Variants in DPH1 observed in about 807,000 individuals in gnomAD.
DPH1 encodes diphthamide biosynthesis 1.
DPH1 carries 59 observed loss-of-function variants against 55.3 expected under a neutral mutation model. That is an observed-to-expected ratio of 1.07 (90% CI 0.87 to 1.33). The LOEUF (loss-of-function observed/expected upper bound fraction) is 1.33. Ranked by LOEUF, DPH1 falls within the 40% of genes most tolerant of loss-of-function variation. The pLI is 0.00. For missense variants in DPH1, 628 were observed against 584.8 expected (o/e 1.07, Z -0.76); for synonymous variants, 238 against 235.5 (o/e 1.01, Z -0.10).
intron 8 of DPH1, 45 bp from the exon 9 acceptor site, chr17:2,040,460 G>A (rs748488781): frequency 1.4e-5 from 23 of 1,613,814 alleles, no homozygotes; most frequent in Non-Finnish European, 1.9e-5. Flanking sequence ...TTCAGCTTTG[G>A]CTGCTTGACC....
At chr17:2,033,178 G>T (rs113170570) in intron 1 of DPH1, among the ~76,000 whole-genome samples, 14 of 152,092 alleles carry the variant, frequency 9.2e-5, no homozygotes, top group Middle Eastern at 3.4e-3. Context: ...TTCACCTGGT[G>T]GGGGGGTGGG....
At position 2,036,325 on chromosome 17, in the gene DPH1, G is replaced by A. The variant is rs1451971416; in HGVS notation, c.401-204G>A. The A allele has an allele frequency of 7.1e-5, 75 of 1,051,196 alleles. No homozygotes were observed. The highest frequency in any genetic ancestry group is 9.9e-5 in the Non-Finnish European group (74 of 747,112). 65.1% of individuals were successfully genotyped at this position (1,051,196 alleles called of 1,614,324 possible). On this transcript the variant is annotated intron_variant, in intron 4 of 12. Transcript: ENST00000263083. This position sits in a 1 kb window ranked among gnomAD's most constrained non-coding sequence, Gnocchi z 4.8. ...GGTGTTTGAAAGGCTGTTGGTTGTA[G>A]AGCAGGCTGGGCCCCGGCCGGGTGA...
chr17:2,043,267 C>A lies in DPH1; in HGVS notation c.*681C>A. 1 of 836,598 alleles carries A rather than the reference C, an allele frequency of 1.2e-6. No individual in the cohort carries two copies. The highest frequency in any genetic ancestry group is 1.8e-6 in the Non-Finnish European group (1 of 548,874). 51.8% of individuals were successfully genotyped at this position (836,598 alleles called of 1,614,324 possible). A position where few individuals can be genotyped will look rare whatever the true frequency, so the allele number is the denominator to read the frequency against. Reference sequence around the variant, plus strand: ...GAGACCCAAATTATAAGGGCCCTGCCCTGTACTGAAGAAAAGGGGAGCACA... The same window carrying A: ...GAGACCCAAATTATAAGGGCCCTGCACTGTACTGAAGAAAAGGGGAGCACA... On this transcript the variant is annotated 3_prime_UTR_variant, in exon 13 of 13. Transcript: ENST00000263083.
At position 2,036,980 on chromosome 17, in the gene DPH1, T is replaced by G; in HGVS notation, c.680+24T>G. On this transcript the variant is annotated intron_variant, in intron 6 of 12. Transcript: ENST00000263083. This position sits in a 1 kb window ranked among gnomAD's most constrained non-coding sequence, Gnocchi z 4.8. ...GTGTAAGTTAAAAATGGGGGCCAAG[T>G]AAGTCCTAGAGACATGCGTGTACCC... 1.2e-6 allele frequency: 2 copies of G among 1,608,708 alleles called. No homozygotes were observed. Among genetic ancestry groups the G allele is most frequent in the Non-Finnish European group, 1.7e-6 (2 of 1,178,016 alleles).
intron 1 of DPH1, among the ~76,000 whole-genome samples, chr17:2,032,001 G>A (rs928978062): frequency 6.6e-6 from 1 of 152,200 alleles, no homozygotes; most frequent in Non-Finnish European, 1.5e-5. Context: ...TAAGAGTAAG[G>A]AGGAGCAATG....
At chr17:2,030,141 CT>C, upstream of DPH1, 1 of 1,594,222 alleles carries the variant, frequency 6.3e-7, no homozygotes, top group Non-Finnish European at 8.5e-7. Context: ...CCAGCGCTGT[CT>C]TTTTAGTACC....
At chr17:2,031,123 T>C (rs138044633) in intron 1 of DPH1, among the ~76,000 whole-genome samples, 5 of 152,330 alleles carry the variant, frequency 3.3e-5, no homozygotes, top group Non-Finnish European at 7.4e-5. Context: ...GGGGTTGAAC[T>C]AAGCTTAATT....
Position 2,043,156 on chromosome 17 carries a change from C to G in DPH1, c.*570C>G. 1 of 1,574,446 alleles carries G rather than the reference C, an allele frequency of 6.4e-7. No homozygotes were observed. The highest frequency in any genetic ancestry group is 8.6e-7 in the Non-Finnish European group (1 of 1,159,382). On this transcript the variant is annotated 3_prime_UTR_variant, in exon 13 of 13. Coordinates refer to ENST00000263083, the MANE Select transcript of DPH1 (RefSeq NM_001383.6). ...CATCCAGCTCCTCTAGGGGCAGCCT[C>G]CGTCATCCATGCCCTCCCAGGACCC...
chr17:2,034,581 T>C, intron 3 of DPH1, among the ~76,000 whole-genome samples: 1 of 60,706 alleles, frequency 1.6e-5, no homozygotes, highest in African/African-American at 7.1e-5. Context: ...CCTCCCCTGC[T>C]CCCCCAAACC....
chr17:2,042,127 G>GGGCGCTGAGGAA (rs1380002394), intron 12 of DPH1: 1 of 1,558,472 alleles, frequency 6.4e-7, no homozygotes, highest in Admixed American at 1.8e-5. Context: ...GAGAAGACCG[G>GGGCGCTGAGGAA]GGCGCTGAGG....
chr17:2,032,272 C>T (rs2067341590), intron 1 of DPH1, among the ~76,000 whole-genome samples: 1 of 152,108 alleles, frequency 6.6e-6, no homozygotes, highest in South Asian at 2.1e-4. Flanking sequence ...CTTAGGTTTT[C>T]CGCAGGGCTG....
chr17:2,036,925 C>A lies in DPH1; in HGVS notation c.649C>A (p.Pro217Thr). ...SPGEILGCTS[P>T]RLSKEVEAVV... is the part of the protein sequence containing the mutation. ...TGGAGAGATCCTGGGCTGCACATCC[C>A]CCCGACTGTCCAAAGAGGTGGAGGC... Residue 217 changes from proline (P) to threonine (T), a missense_variant, in exon 6 of 13, where the codon CCC (proline) becomes ACC (threonine). Pro to Thr is a conservative substitution (Grantham distance 38). Transcript: ENST00000263083. This position sits in a 1 kb window ranked among gnomAD's most constrained non-coding sequence, Gnocchi z 4.8. 3 of 1,613,826 alleles carry A rather than the reference C, an allele frequency of 1.9e-6. No homozygotes were observed. The highest frequency in any genetic ancestry group is 2.5e-6 in the Non-Finnish European group (3 of 1,179,980).
Position 2,036,545 on chromosome 17 carries a change from G to C in DPH1, c.417G>C (p.Ser139=), listed in dbSNP as rs747219178. ...GHSCLIPMDT[S]AQDFRVLYVF... ...CTCCCACAGTTCCCATGGACACCTC[G>C]GCCCAAGACTTCCGGGTGCTGTACG... Residue 139 remains serine (S), a synonymous_variant, in exon 5 of 13, where the codon TCG becomes TCC. Transcript: ENST00000263083. The surrounding 1 kb of genome is among the most constrained non-coding windows in gnomAD (Gnocchi z 4.8). 6.2e-7 allele frequency: 1 copy of C among 1,614,012 alleles called. No homozygotes were observed. The highest frequency in any genetic ancestry group is 1.7e-5 in the Admixed American group (1 of 59,998).
chr17:2,040,297 G>C lies in DPH1; in HGVS notation c.829G>C (p.Ala277Pro). 6.2e-7 allele frequency: 1 copy of C among 1,614,088 alleles called. No homozygotes were observed. Among genetic ancestry groups the C allele is most frequent in the Non-Finnish European group, 8.5e-7 (1 of 1,180,042 alleles). The change falls in exon 8 of 13, where the codon GCC (alanine) becomes CCC (proline). Residue 277 changes from alanine to proline, a missense_variant. Ala to Pro is a conservative substitution (Grantham distance 27, BLOSUM62 -1). Transcript: ENST00000263083. ...RMQAARQEAI[A>P]TARSAKSWGL... is the part of the protein sequence containing the mutation. ...GCAGGCTGCTCGCCAAGAAGCCATA[G>C]CCACTGCCCGCTCAGCTAAGTCCTG...
rs764581097 is a variant in DPH1 at position 2,042,934 on chromosome 17, C to A, written c.*348C>A. ...GCAAAGGCCCTTGTCATTGCCTTCG[C>A]TCCATGTTTTTGGGGACACTGACAA... On this transcript the variant is annotated 3_prime_UTR_variant, in exon 13 of 13. Coordinates refer to ENST00000263083, the MANE Select transcript of DPH1 (RefSeq NM_001383.6). 3.1e-6 allele frequency: 5 copies of A among 1,614,168 alleles called. No homozygotes were observed. The highest frequency in any genetic ancestry group is 4.2e-6 in the Non-Finnish European group (5 of 1,180,038).
Position 2,043,437 on chromosome 17 carries a change from T to G in DPH1, c.*851T>G, listed in dbSNP as rs886830825. 1 of 267,858 alleles carries G rather than the reference T, an allele frequency of 3.7e-6. No individual in the cohort carries two copies. The highest frequency in any genetic ancestry group is 2.2e-5 in the African/African-American group (1 of 45,190). 16.6% of individuals were successfully genotyped at this position (267,858 alleles called of 1,614,324 possible). A position where few individuals can be genotyped will look rare whatever the true frequency, so the allele number is the denominator to read the frequency against. ...AGTGGTGATTTGGATTTTGAGCATCTTTTTCCTGGTACACACAGAAAAACA... is the reference window on the plus strand; with the variant it reads ...AGTGGTGATTTGGATTTTGAGCATCGTTTTCCTGGTACACACAGAAAAACA... On this transcript the variant is annotated 3_prime_UTR_variant, in exon 13 of 13. Transcript: ENST00000263083.
In DPH1 at chr17:2,036,594, A is replaced by G; in HGVS notation, c.466A>G (p.Thr156Ala). 1 of 1,614,058 alleles carries G rather than the reference A, an allele frequency of 6.2e-7. No homozygotes were observed. Among genetic ancestry groups the G allele is most frequent in the East Asian group, 2.2e-5 (1 of 44,876 alleles). The part of the protein sequence containing the change: ...LYVFVDIRID[T>A]THLLDSLRLT... ...CGTCTTTGTGGACATCCGGATAGAC[A>G]CTACACACCTCCTGGACTCTCTCCG... Residue 156 changes from threonine to alanine, a missense_variant, in exon 5 of 13, where the codon ACT becomes GCT. Coordinates refer to ENST00000263083, the MANE Select transcript of DPH1 (RefSeq NM_001383.6). This position sits in a 1 kb window ranked among gnomAD's most constrained non-coding sequence, Gnocchi z 4.8.
chr17:2,031,680 G>A lies in DPH1; in HGVS notation c.61+1450G>A, dbSNP rs557585424. Among the ~76,000 whole-genome samples, 30 of 151,896 alleles carry A rather than the reference G, an allele frequency of 2.0e-4. No homozygotes were observed. In the South Asian group the frequency reaches 3.3e-3, roughly 17 times the overall value. ...CGTTTGAGCCCAGGACGTCGAGGCC[G>A]CAGTGGACCATGATTGCACCCCTGC... On this transcript the variant is annotated intron_variant, in intron 1 of 12. Coordinates refer to ENST00000263083, the MANE Select transcript of DPH1 (RefSeq NM_001383.6).
rs1051547513 is a variant in DPH1, at chr17:2,041,537, C to T, written c.1143C>T (p.Tyr381=). 21 of 1,612,818 alleles carry T rather than the reference C, an allele frequency of 1.3e-5. No homozygotes were observed. The highest frequency in any genetic ancestry group is 1.4e-5 in the Non-Finnish European group (17 of 1,179,772). The change falls in exon 11 of 13, where the codon TAC becomes TAT. Residue 381 remains tyrosine, a synonymous_variant. Coordinates refer to ENST00000263083, the MANE Select transcript of DPH1 (RefSeq NM_001383.6). Reference sequence around the variant, plus strand: ...AGCAGCCCTACCCGATGGACTTCTACGCTGGCAGCTCCTTGGGGCCCTGGA... The same window carrying T: ...AGCAGCCCTACCCGATGGACTTCTATGCTGGCAGCTCCTTGGGGCCCTGGA... ...SWQQPYPMDF[Y]AGSSLGPWTV...
Sources: allele counts gnomAD v4.1 joint callset (sites outside exome capture counted in the v4.1 genomes callset), GRCh38; gene constraint gnomAD v4.1.1; non-coding constraint Gnocchi (gnomAD v3.1); transcripts MANE v1.5; gene names NCBI Gene and HGNC (gene_info 2026-07-23, HGNC 2026-07-21).